The following DENND1A variants were observed in gnomAD, a reference collection of about 807,000 sequenced individuals.
The protein encoded by DENND1A is DENN domain containing 1A, also known as DENN domain-containing protein 1A.
Under a neutral mutation model 113.7 loss-of-function variants are expected in DENND1A, and 51 were observed. That is an observed-to-expected ratio of 0.45 (90% CI 0.36 to 0.57). The LOEUF is 0.57. Among genes scored for constraint, DENND1A ranks in the 20% least tolerant of loss-of-function variants. The probability of loss-of-function intolerance (pLI) is 0.00; values close to 1 mark genes in which losing one functional copy is unlikely to be tolerated. For synonymous variants in DENND1A, 565 were observed against 570.8 expected, an observed-to-expected ratio of 0.99 and a Z score of 0.14; for missense variants, 1,258 against 1,395.9, an observed-to-expected ratio of 0.90 and a Z score of 1.57.
chr9:123,478,650 T>C (rs1452586784), intron 13 of DENND1A, among the ~76,000 whole-genome samples: 1 of 152,258 alleles, frequency 6.6e-6, no homozygotes, highest in Non-Finnish European at 1.5e-5. Flanking sequence ...AAAAATGAGA[T>C]GCATTGATAG....
chr9:123,680,240 C>T (rs1564936432), intron 5 of DENND1A, among the ~76,000 whole-genome samples: 1 of 152,244 alleles, frequency 6.6e-6, no homozygotes, highest in Admixed American at 6.5e-5. Flanking sequence ...TTCTCACCCA[C>T]TGTGGCTCAG....
chr9:123,899,648 G>A (rs528195144), intron 1 of DENND1A, among the ~76,000 whole-genome samples: 2 of 152,124 alleles, frequency 1.3e-5, no homozygotes. Context: ...GTATTCCACA[G>A]AATACCATGA....
At chr9:123,791,814 G>A (rs1239327624) in intron 3 of DENND1A, among the ~76,000 whole-genome samples, 3 of 152,144 alleles carry the variant, frequency 2.0e-5, no homozygotes, top group African/African-American at 4.8e-5. Flanking sequence ...AATCAAGAAT[G>A]CTTTTATTTC....
At chr9:123,903,610 C>T (rs542695727) in intron 1 of DENND1A, among the ~76,000 whole-genome samples, 5 of 152,238 alleles carry the variant, frequency 3.3e-5, no homozygotes, top group South Asian at 2.1e-4. Flanking sequence ...AAAGAGGTGA[C>T]GGATGCACCT....
chr9:123,442,711 G>T (rs1338444150), intron 18 of DENND1A, among the ~76,000 whole-genome samples: 7 of 152,088 alleles, frequency 4.6e-5, no homozygotes, highest in African/African-American at 1.7e-4. Context: ...AGTAGTTTTG[G>T]AAAAAGCATC....
intron 9 of DENND1A, among the ~76,000 whole-genome samples, chr9:123,636,145 TG>T (rs1421173812): frequency 6.6e-6 from 1 of 152,184 alleles, no homozygotes; most frequent in Non-Finnish European, 1.5e-5. Flanking sequence ...TCATGAGCTA[TG>T]TAGGAACCAC....
intron 11 of DENND1A, among the ~76,000 whole-genome samples, chr9:123,599,068 GA>G (rs1285661093): frequency 6.6e-6 from 1 of 152,190 alleles, no homozygotes; most frequent in African/African-American, 2.4e-5. Flanking sequence ...TCATACTTCA[GA>G]AAAGCCCCCA....
At chr9:123,874,984 C>A (rs1240221911) in intron 2 of DENND1A, among the ~76,000 whole-genome samples, 1 of 152,186 alleles carries the variant, frequency 6.6e-6, no homozygotes, top group East Asian at 1.9e-4. Flanking sequence ...CTGCGAACAA[C>A]TTCAAAGGTC....
intron 2 of DENND1A, among the ~76,000 whole-genome samples, chr9:123,849,817 G>A (rs1291294369): frequency 6.6e-6 from 1 of 152,212 alleles, no homozygotes; most frequent in African/African-American, 2.4e-5. Context: ...TTTGGAAGAA[G>A]CTGATTCCAG....
intron 11 of DENND1A, among the ~76,000 whole-genome samples, chr9:123,592,041 C>G (rs1205732259): frequency 2.6e-5 from 4 of 152,096 alleles, no homozygotes; most frequent in African/African-American, 9.7e-5. Context: ...GTGTTCTTAT[C>G]AATAAAATAG....
At chr9:123,502,494 T>C (rs2052575590) in intron 13 of DENND1A, among the ~76,000 whole-genome samples, 2 of 152,240 alleles carry the variant, frequency 1.3e-5, no homozygotes, top group African/African-American at 4.8e-5. Flanking sequence ...TGGAGAAATA[T>C]CGAGTCAGGT....
chr9:123,495,099 C>T (rs1437187114), intron 13 of DENND1A, among the ~76,000 whole-genome samples: 2 of 150,246 alleles, frequency 1.3e-5, no homozygotes, highest in Admixed American at 1.3e-4. Flanking sequence ...GCCTTTTGTA[C>T]TTCTCTTGTA....
rs544507973 is a variant in DENND1A at position 123,917,870 on chromosome 9, G to T, written c.17+12019C>A. ...TCACGCCTGTAATCTCAGCGCTTTG[G>T]GAGGCCGAGGCAGGCAGATCACAAG... On this transcript the variant is annotated intron_variant, in intron 1 of 23. Coordinates refer to ENST00000394215, the MANE Select transcript of DENND1A (RefSeq NM_001352964.2). Among the ~76,000 whole-genome samples, 63 of 152,102 alleles carry T rather than the reference G, an allele frequency of 4.1e-4. 1 individual carries two copies. Among genetic ancestry groups the T allele is most frequent in the African/African-American group, 1.3e-3 (56 of 41,484 alleles).
chr9:123,815,680 CTAAA>C (rs1200465994), intron 2 of DENND1A, among the ~76,000 whole-genome samples: 2 of 152,126 alleles, frequency 1.3e-5, no homozygotes, highest in Admixed American at 6.6e-5. Flanking sequence ...TTACTTAAAA[CTAAA>C]TAGTTTTAGC....
intron 8 of DENND1A, among the ~76,000 whole-genome samples, chr9:123,660,033 T>A (rs1377765682): frequency 6.6e-6 from 1 of 152,214 alleles, no homozygotes; most frequent in Non-Finnish European, 1.5e-5. Context: ...TTTCTTTTTT[T>A]CCTCATGAAT....
intron 5 of DENND1A, among the ~76,000 whole-genome samples, chr9:123,687,799 G>T (rs146598714): frequency 2.7e-3 from 414 of 152,338 alleles, no homozygotes; most frequent in Middle Eastern, 0.01. Context: ...ATGGGATTCT[G>T]TCTGGCCCAC....
intron 1 of DENND1A, among the ~76,000 whole-genome samples, chr9:123,885,300 C>G (rs1848904140): frequency 6.6e-6 from 1 of 152,226 alleles, no homozygotes; most frequent in Non-Finnish European, 1.5e-5. Context: ...TTGAGAACCA[C>G]TGGTGTGTCT....
chr9:123,698,648 TAGTC>T (rs1485182218), intron 5 of DENND1A, among the ~76,000 whole-genome samples: 1 of 152,188 alleles, frequency 6.6e-6, no homozygotes, highest in East Asian at 1.9e-4. Context: ...AACCACCAAA[TAGTC>T]AGCTCTACGG....
At chr9:123,637,208 G>A (rs752751299) in intron 9 of DENND1A, among the ~76,000 whole-genome samples, 13 of 152,224 alleles carry the variant, frequency 8.5e-5, no homozygotes, top group East Asian at 1.9e-4. Context: ...GAACATAAAC[G>A]CAAAGAAATG....
Sources: allele counts gnomAD v4.1 joint callset (sites outside exome capture counted in the v4.1 genomes callset), GRCh38; gene constraint gnomAD v4.1.1; transcripts MANE v1.5; gene names NCBI Gene and HGNC (gene_info 2026-07-23, HGNC 2026-07-21).